ASB3: variants seen among roughly 807,000 people sequenced by gnomAD.
ASB3 encodes ankyrin repeat and SOCS box containing 3, also known as ankyrin repeat and SOCS box protein 3.
A neutral mutation model predicts 54.5 loss-of-function variants in ASB3; 41 were observed. That is an observed-to-expected ratio of 0.75 (90% CI 0.59 to 0.98). The LOEUF (loss-of-function observed/expected upper bound fraction) is 0.98. Ranked by LOEUF, ASB3 falls within the 50% of genes least tolerant of loss-of-function variation. The pLI, the probability that ASB3 is intolerant of heterozygous loss-of-function variation, is 0.00. For missense variants in ASB3, 733 were observed against 620.0 expected (o/e 1.18, Z -1.94); for synonymous variants, 266 against 221.2 (o/e 1.20, Z -1.80).
At chr2:53,786,270 C>T (rs772537200) in intron 1 of ASB3, 1 of 152,196 alleles carries the variant, frequency 6.6e-6, no homozygotes, top group Non-Finnish European at 1.5e-5. Flanking sequence ...CTAAACCTCA[C>T]ATAAGGAACC....
chr2:53,703,253 C>T (rs1669588788), intron 7 of ASB3, among the ~76,000 whole-genome samples: 1 of 152,184 alleles, frequency 6.6e-6, no homozygotes, highest in South Asian at 2.1e-4. Flanking sequence ...AGACTGGCTT[C>T]ATATCAATAT....
At chr2:53,735,633 T>C (rs1225269915) in intron 3 of ASB3, among the ~76,000 whole-genome samples, 2 of 150,718 alleles carry the variant, frequency 1.3e-5, no homozygotes, top group Non-Finnish European at 2.9e-5. Context: ...GTCTTAATAG[T>C]TGGAAAAAAA....
chr2:53,693,894 C>A lies in ASB3; in HGVS notation c.1359G>T (p.Gln453His). 6.2e-7 allele frequency: 1 copy of A among 1,613,246 alleles called. No homozygotes were observed. The highest frequency in any genetic ancestry group is 8.5e-7 in the Non-Finnish European group (1 of 1,179,432). The change falls in exon 9 of 10, where the codon CAG becomes CAT. Residue 453 changes from glutamine to histidine, a missense_variant. Gln to His is a conservative substitution (Grantham distance 24, BLOSUM62 0). Coordinates refer to ENST00000263634, the MANE Select transcript of ASB3 (RefSeq NM_016115.5). ...GTTATTCTTTCTTACCAATATGTTGCTGTAGAATCCAAGCGTTTGAGGCAC... is the reference window on the plus strand; with the variant it reads ...GTTATTCTTTCTTACCAATATGTTGATGTAGAATCCAAGCGTTTGAGGCAC... The part of the protein sequence containing the change: ...SARASNAWIL[Q>H]QHIATVPSLT...
chr2:53,729,435 G>A (rs2103907348), intron 4 of ASB3, 23 bp downstream of exon 4: 1 of 1,609,148 alleles, frequency 6.2e-7, no homozygotes, highest in South Asian at 1.1e-5. Context: ...ACATGGAAAT[G>A]AAATAATAAA....
chr2:53,703,863 A>AT (rs1319337910), intron 7 of ASB3, among the ~76,000 whole-genome samples: 1 of 152,234 alleles, frequency 6.6e-6, no homozygotes, highest in African/African-American at 2.4e-5. Context: ...TAACACTATC[A>AT]TAACACATTG....
At chr2:53,739,702 G>A (rs1407288342) in intron 3 of ASB3, among the ~76,000 whole-genome samples, 1 of 151,970 alleles carries the variant, frequency 6.6e-6, no homozygotes, top group Non-Finnish European at 1.5e-5. Flanking sequence ...TTAAGATAGG[G>A]TCTGGCTCTG....
At chr2:53,673,748 T>A (rs1423086550) in intron 9 of ASB3, among the ~76,000 whole-genome samples, 1 of 152,190 alleles carries the variant, frequency 6.6e-6, no homozygotes, top group Non-Finnish European at 1.5e-5. Context: ...TATCATAAAT[T>A]TCAGAATATC....
intron 1 of ASB3, among the ~76,000 whole-genome samples, chr2:53,777,774 T>C (rs141868687): frequency 5.1e-4 from 77 of 152,356 alleles, no homozygotes; most frequent in African/African-American, 1.8e-3. Flanking sequence ...TTTCACAATA[T>C]ACACAAAATG....
chr2:53,781,182 C>A (rs929217354), intron 1 of ASB3, among the ~76,000 whole-genome samples: 3 of 151,784 alleles, frequency 2.0e-5, no homozygotes, highest in Non-Finnish European at 4.4e-5. Flanking sequence ...CTTGAGGGGG[C>A]AAATCACTTG....
At chr2:53,684,420 C>T (rs1392680690) in intron 9 of ASB3, among the ~76,000 whole-genome samples, 4 of 152,142 alleles carry the variant, frequency 2.6e-5, no homozygotes, top group African/African-American at 9.7e-5. Context: ...TAAATAATTC[C>T]TAATTCATGA....
At position 53,765,449 on chromosome 2, in the gene ASB3, T is replaced by C. The variant is rs1411923564; in HGVS notation, c.124A>G (p.Arg42Gly). ...GCTTCATGAATTGGCATCCATCCCC[T>C]GTTATCAGCAACATCGACACTTCGG... is the stretch of plus-strand genomic sequence containing the variant. The part of the protein sequence containing the change: ...KGRSVDVADN[R>G]GWMPIHEAAY... The change falls in exon 2 of 10, where the codon AGG (arginine) becomes GGG (glycine). Residue 42 changes from arginine to glycine, a missense_variant. Coordinates refer to ENST00000263634, the MANE Select transcript of ASB3 (RefSeq NM_016115.5). The C allele has an allele frequency of 1.2e-6, 2 of 1,614,136 alleles. No homozygotes were observed. Among genetic ancestry groups the C allele is most frequent in the South Asian group, 1.1e-5 (1 of 91,076 alleles).
At chr2:53,763,560 G>A (rs1365649016) in intron 2 of ASB3, 1 of 169,292 alleles carries the variant, frequency 5.9e-6, no homozygotes, top group Non-Finnish European at 1.5e-5. Flanking sequence ...GAATTTTGGT[G>A]TCCGTGGACA....
chr2:53,767,214 T>C (rs964706627), intron 1 of ASB3: 1 of 152,210 alleles, frequency 6.6e-6, no homozygotes, highest in African/African-American at 2.4e-5. Flanking sequence ...ATACTAAAGA[T>C]GAATAAATTT....
At chr2:53,735,561 C>G (rs868750513) in intron 3 of ASB3, among the ~76,000 whole-genome samples, 3 of 151,396 alleles carry the variant, frequency 2.0e-5, no homozygotes, top group Middle Eastern at 3.4e-3. Flanking sequence ...TCAATTCTCC[C>G]CAAAACAATC....
intron 3 of ASB3, among the ~76,000 whole-genome samples, chr2:53,740,025 T>C (rs1156553741): frequency 6.6e-6 from 1 of 152,182 alleles, no homozygotes; most frequent in Non-Finnish European, 1.5e-5. Context: ...AAAAATGACA[T>C]GGTCAGTAAG....
At chr2:53,676,083 C>A (rs931943040) in intron 9 of ASB3, among the ~76,000 whole-genome samples, 1 of 152,140 alleles carries the variant, frequency 6.6e-6, no homozygotes, top group Non-Finnish European at 1.5e-5. Flanking sequence ...AAGAAAAGCA[C>A]ATAATTTACC....
chr2:53,675,091 T>C (rs1190363258), intron 9 of ASB3, among the ~76,000 whole-genome samples: 1 of 152,168 alleles, frequency 6.6e-6, no homozygotes, highest in Non-Finnish European at 1.5e-5. Flanking sequence ...GAATAATGCC[T>C]CATCTACAAA....
At chr2:53,694,800 T>C (rs28665411) in intron 8 of ASB3, among the ~76,000 whole-genome samples, 2,594 of 152,254 alleles carry the variant, frequency 0.017, 73 homozygotes, top group African/African-American at 0.06. Flanking sequence ...GAATAATACA[T>C]AAGCTGCCCA....
intron 8 of ASB3, among the ~76,000 whole-genome samples, chr2:53,696,453 A>G (rs1669186387): frequency 6.6e-6 from 1 of 152,210 alleles, no homozygotes; most frequent in Non-Finnish European, 1.5e-5. Context: ...AAGAGAATAA[A>G]GCTAAATAAA....
Sources: allele counts gnomAD v4.1 joint callset (sites outside exome capture counted in the v4.1 genomes callset), GRCh38; gene constraint gnomAD v4.1.1; transcripts MANE v1.5; gene names NCBI Gene and HGNC (gene_info 2026-07-23, HGNC 2026-07-21).